ABI3BP: variants seen among roughly 807,000 people sequenced by gnomAD.
The protein encoded by ABI3BP is ABI family member 3 binding protein.
ABI3BP carries 216 observed loss-of-function variants against 268.6 expected under a neutral mutation model. The ratio of observed to expected loss-of-function variants is 0.80; its 90% CI spans 0.72 to 0.90. The LOEUF is 0.90. Among genes scored for constraint, ABI3BP ranks in the 40% least tolerant of loss-of-function variants. ABI3BP has a pLI of 0.00. For synonymous variants in ABI3BP, 730 were observed against 730.0 expected (o/e 1.00, Z 0.00); for missense variants, 2,090 against 2,182.4 (o/e 0.96, Z 0.84).
chr3:100,796,653 G>A (rs2097354542), intron 51 of ABI3BP, among the ~76,000 whole-genome samples, 185 bp from the exon 52 acceptor site: 1 of 152,076 alleles, frequency 6.6e-6, no homozygotes, highest in African/African-American at 2.4e-5. Flanking sequence ...TGCAGGGAAG[G>A]TTCTGGTGGC....
At chr3:100,830,526 G>C (rs1253409935) in intron 32 of ABI3BP, 52 bp downstream of exon 32, 4 of 1,452,058 alleles carry the variant, frequency 2.8e-6, no homozygotes, top group Non-Finnish European at 3.7e-6. Flanking sequence ...GTGATGAATG[G>C]GTTTGAAATG....
At chr3:100,805,863 C>G (rs114580485) in intron 50 of ABI3BP, among the ~76,000 whole-genome samples, 3 of 152,076 alleles carry the variant, frequency 2.0e-5, no homozygotes, top group Middle Eastern at 3.4e-3. Context: ...GAAAATTATA[C>G]TATTATAAAT....
At chr3:100,963,990 C>T (rs2080231106) in intron 1 of ABI3BP, among the ~76,000 whole-genome samples, 1 of 152,172 alleles carries the variant, frequency 6.6e-6, no homozygotes, top group Non-Finnish European at 1.5e-5. Flanking sequence ...TCTTAGTTTA[C>T]ATTATTCATT....
intron 1 of ABI3BP, among the ~76,000 whole-genome samples, chr3:100,947,030 T>C (rs1413913324): frequency 6.6e-6 from 1 of 152,182 alleles, no homozygotes; most frequent in Non-Finnish European, 1.5e-5. Context: ...GGTTTTTCTA[T>C]GAAAATAAAT....
intron 55 of ABI3BP, among the ~76,000 whole-genome samples, chr3:100,790,651 G>A (rs906566542): frequency 2.6e-5 from 4 of 151,918 alleles, no homozygotes; most frequent in African/African-American, 9.7e-5. Flanking sequence ...GCCTTCCCAA[G>A]TATAATAACC....
rs2095213157 is a variant in ABI3BP at position 100,749,573 on chromosome 3, G to GTT, written c.*921_*922insAA. The GTT allele has an allele frequency of 5.2e-6, 2 of 386,030 alleles. No homozygotes were observed. The highest frequency in any genetic ancestry group is 3.7e-5 in the East Asian group (1 of 27,352). 23.9% of individuals were successfully genotyped at this position (386,030 alleles called of 1,614,324 possible). On this transcript the variant is annotated 3_prime_UTR_variant, in exon 68 of 68. Transcript: ENST00000471714. ...ACAGATTGAATTAAACAGTTACAAA[G>GTT]ACATTCTCTGATACATTCATTCATA...
In ABI3BP at chr3:100,875,594, A is replaced by C; in HGVS notation, c.746-15T>G. 6.3e-7 allele frequency: 1 copy of C among 1,598,770 alleles called. No individual in the cohort carries two copies. The highest frequency in any genetic ancestry group is 8.6e-7 in the Non-Finnish European group (1 of 1,166,098). Reference sequence around the variant, plus strand: ...ATTCTGAATCACTGTTGAAATACAAAAAGACAGTGTGAGGGGGTGGGAAAT... The same window carrying C: ...ATTCTGAATCACTGTTGAAATACAACAAGACAGTGTGAGGGGGTGGGAAAT... On this transcript the variant is annotated splice_polypyrimidine_tract_variant and intron_variant, in intron 7 of 67. Transcript: ENST00000471714.
intron 14 of ABI3BP, among the ~76,000 whole-genome samples, chr3:100,853,895 T>A (rs775992979): frequency 6.6e-6 from 1 of 152,190 alleles, no homozygotes; most frequent in Non-Finnish European, 1.5e-5. Flanking sequence ...CCAGCATACT[T>A]TGTTTTTAAT....
At chr3:100,843,519 ATGTGTG>A (rs529259315) in intron 20 of ABI3BP, 5 of 854,592 alleles carry the variant, frequency 5.9e-6, no homozygotes, top group South Asian at 1.1e-4. Flanking sequence ...GAGGGAGAGG[ATGTGTG>A]TGTGTGTGTG....
chr3:100,791,842 G>A lies in ABI3BP; in HGVS notation c.4024+849C>T, dbSNP rs182858622. On this transcript the variant is annotated intron_variant, in intron 55 of 67. Transcript: ENST00000471714. ...CCCAGTGACACATGTACTTTAAAAT[G>A]AGATTTCTTTCATTATCATTTCCTC... Among the ~76,000 whole-genome samples the A allele has an allele frequency of 7.2e-5, 11 of 151,928 alleles. No homozygotes were observed. In the East Asian group the frequency reaches 1.9e-3, roughly 27 times the overall value.
chr3:100,936,710 G>A (rs1362314135), intron 1 of ABI3BP, among the ~76,000 whole-genome samples: 1 of 151,984 alleles, frequency 6.6e-6, no homozygotes, highest in Admixed American at 6.6e-5. Flanking sequence ...GTCTTGGGAG[G>A]GTTATGTGTC....
intron 4 of ABI3BP, among the ~76,000 whole-genome samples, chr3:100,887,654 C>A (rs2042602841): frequency 6.6e-6 from 1 of 151,992 alleles, no homozygotes; most frequent in South Asian, 2.1e-4. Flanking sequence ...TTAACATTTT[C>A]CTCAAAAGGT....
chr3:100,969,951 C>A (rs547488475), intron 1 of ABI3BP, among the ~76,000 whole-genome samples: 1 of 152,080 alleles, frequency 6.6e-6, no homozygotes, highest in Admixed American at 6.6e-5. Context: ...TATTAAATGG[C>A]CTTCATTTAC....
At chr3:100,769,302 A>G (rs2096461002) in intron 62 of ABI3BP, among the ~76,000 whole-genome samples, 1 of 152,180 alleles carries the variant, frequency 6.6e-6, no homozygotes, top group Non-Finnish European at 1.5e-5. Context: ...AAATTGTTAT[A>G]AGTCCTCTGT....
At chr3:100,752,764 A>C in intron 66 of ABI3BP, 23 bp downstream of exon 66, 1 of 1,608,968 alleles carries the variant, frequency 6.2e-7, no homozygotes, top group Non-Finnish European at 8.5e-7. Context: ...AGGGCTGAAA[A>C]CAGAGCTGGT....
chr3:100,847,959 C>A (rs999950388), intron 18 of ABI3BP, among the ~76,000 whole-genome samples: 1 of 152,110 alleles, frequency 6.6e-6, no homozygotes, highest in Non-Finnish European at 1.5e-5. Context: ...AGCATCTGTA[C>A]CACCCAAACT....
intron 1 of ABI3BP, 150 bp from the exon 2 acceptor site, chr3:100,926,631 G>T (rs2304513): frequency 0.14 from 93,670 of 668,508 alleles, 7,705 homozygotes; most frequent in Middle Eastern, 0.19. Flanking sequence ...ACACCCAAAC[G>T]CCCAAAATGA....
chr3:100,857,322 A>G (rs1441548026), intron 14 of ABI3BP, among the ~76,000 whole-genome samples: 2 of 152,230 alleles, frequency 1.3e-5, no homozygotes, highest in East Asian at 3.8e-4. Flanking sequence ...AAATGAAAAC[A>G]AGGCACCCCT....
rs1158314338 is a variant in ABI3BP at position 100,918,322 on chromosome 3, GTCCACCCGTCCACCCA to G, written c.259+7964_259+7979del. Among the ~76,000 whole-genome samples the G allele has an allele frequency of 2.7e-5, 4 of 148,118 alleles. No homozygotes were observed. In the South Asian group the frequency reaches 8.8e-4, roughly 33 times the overall value. On this transcript the variant is annotated intron_variant, in intron 2 of 67. Transcript: ENST00000471714. ...CATCCACCCATCCACCCGTCCACCT[GTCCACCCGTCCACCCA>G]TCCACCCGTCCACTCATCTATTCCT...
Sources: gnomAD v4.1 joint callset for allele counts (sites outside exome capture counted in the v4.1 genomes callset) on GRCh38, gnomAD v4.1.1 for gene constraint, MANE v1.5 for transcripts, NCBI Gene and HGNC (gene_info 2026-07-23, HGNC 2026-07-21) for gene names.